MYT1L: variants seen among roughly 807,000 people sequenced by gnomAD.
The protein encoded by MYT1L is myelin transcription factor 1-like protein.
In MYT1L, 12 loss-of-function variants were observed where a neutral mutation model predicts 126.7. The ratio of observed to expected loss-of-function variants is 0.09; its 90% CI spans 0.06 to 0.15. The LOEUF is 0.15. Among genes scored for constraint, MYT1L ranks in the 10% least tolerant of loss-of-function variants. MYT1L has a pLI of 1.00. For missense variants in MYT1L, 979 were observed against 1,585.2 expected (o/e 0.62, Z 6.49); for synonymous variants, 541 against 604.2 (o/e 0.90, Z 1.53).
At chr2:2,295,605 C>CAGACAGAGAGAGAGAGAGAG (rs2095666352) in intron 1 of MYT1L, among the ~76,000 whole-genome samples, 1 of 9,674 alleles carries the variant, frequency 1.0e-4, no homozygotes, top group African/African-American at 6.1e-4. Context: ...GAGAGAGAGA[C>CAGACAGAGAGAGAGAGAGAG]AGACAGAGAG....
chr2:2,086,416 G>A lies in MYT1L; in HGVS notation c.-303-32293C>T, dbSNP rs78396828. Among the ~76,000 whole-genome samples the A allele has an allele frequency of 4.9e-3, 745 of 152,244 alleles. 5 individuals are homozygous for A. The highest frequency in any genetic ancestry group is 0.017 in the African/African-American group (716 of 41,516). ...TACTTGTACATAGTAGTTATGGAAG[G>A]CGGTGGTGAAACACTAAAGCCAACA... On this transcript the variant is annotated intron_variant, in intron 3 of 24. Transcript: ENST00000647738.
At chr2:2,012,872 T>C (rs964563375) in intron 4 of MYT1L, among the ~76,000 whole-genome samples, 4 of 152,302 alleles carry the variant, frequency 2.6e-5, no homozygotes, top group East Asian at 3.9e-4. Flanking sequence ...CCCCAGGTGA[T>C]AGAGCACCGA....
At chr2:1,859,469 G>T (rs13006542) in intron 18 of MYT1L, among the ~76,000 whole-genome samples, 2,652 of 152,320 alleles carry the variant, frequency 0.017, 44 homozygotes, top group Non-Finnish European at 0.029. Context: ...ACGTGCAAGG[G>T]TCATCATGCA....
chr2:1,959,643 C>T (rs2058796283), intron 8 of MYT1L, among the ~76,000 whole-genome samples: 1 of 152,212 alleles, frequency 6.6e-6, no homozygotes, highest in Admixed American at 6.5e-5. Context: ...CCCTGGCTAC[C>T]TGCAGAGAAT....
At chr2:2,065,979 T>C (rs2071224508) in intron 3 of MYT1L, among the ~76,000 whole-genome samples, 1 of 151,760 alleles carries the variant, frequency 6.6e-6, no homozygotes, top group African/African-American at 2.4e-5. Context: ...TTTATCCTTT[T>C]GCAAAAAAAA....
In MYT1L at chr2:2,205,054, T is replaced by C. The variant is rs566444467; in HGVS notation, c.-420-32066A>G. ...GCATGTTCTCACTCACAGGTGGGAA[T>C]TGAACAATGAGAACACATGGACACA... On this transcript the variant is annotated intron_variant, in intron 2 of 24. Transcript: ENST00000647738. 1.0e-4 allele frequency among the ~76,000 whole-genome samples: 14 copies of C among 139,962 alleles called. No individual in the cohort carries two copies. In the East Asian group the frequency reaches 2.6e-3, roughly 26 times the overall value. The allele number at this position is 139,962 out of a possible 152,430, so 91.8% of individuals were successfully genotyped here.
chr2:2,229,445 T>C (rs187989190), intron 2 of MYT1L, among the ~76,000 whole-genome samples: 59 of 144,326 alleles, frequency 4.1e-4, no homozygotes, highest in Admixed American at 3.3e-3. Flanking sequence ...TCTTTCTTTC[T>C]TTTTTTTTTG....
At chr2:1,975,658 G>A (rs1317351370) in intron 8 of MYT1L, among the ~76,000 whole-genome samples, 2 of 152,220 alleles carry the variant, frequency 1.3e-5, no homozygotes, top group Non-Finnish European at 2.9e-5. Context: ...GAGGCCAGGA[G>A]TTCGAGAGCA....
At chr2:1,870,532 G>A (rs1031699760) in intron 18 of MYT1L, among the ~76,000 whole-genome samples, 4 of 152,112 alleles carry the variant, frequency 2.6e-5, no homozygotes, top group African/African-American at 9.7e-5. Context: ...AGTGACCAGG[G>A]GTCTCTTTTC....
intron 2 of MYT1L, among the ~76,000 whole-genome samples, chr2:2,266,463 G>T (rs550990862): frequency 6.6e-6 from 1 of 152,276 alleles, no homozygotes; most frequent in Non-Finnish European, 1.5e-5. Context: ...AGCCACAAAG[G>T]CCCAAAGTAG....
Position 1,871,297 on chromosome 2 carries a change from G to A in MYT1L, c.2711+15242C>T, listed in dbSNP as rs1013495948. 7.9e-5 allele frequency among the ~76,000 whole-genome samples: 12 copies of A among 152,372 alleles called. No homozygotes were observed. The East Asian group carries it at 2.1e-3, about 27-fold the overall frequency. ...AGATCACGTGTCTCCGTGCGCTGATGGAGGGGACTCTGTGGGAAGATTTGC... is the reference window on the plus strand; with the variant it reads ...AGATCACGTGTCTCCGTGCGCTGATAGAGGGGACTCTGTGGGAAGATTTGC... On this transcript the variant is annotated intron_variant, in intron 18 of 24. Transcript: ENST00000647738.
At chr2:2,040,256 T>C (rs1242036036) in intron 4 of MYT1L, among the ~76,000 whole-genome samples, 1 of 152,218 alleles carries the variant, frequency 6.6e-6, no homozygotes, top group African/African-American at 2.4e-5. Flanking sequence ...GGATTCTTGA[T>C]AAGTGACTGA....
intron 2 of MYT1L, among the ~76,000 whole-genome samples, chr2:2,237,286 C>A (rs986687125): frequency 2.6e-5 from 4 of 152,160 alleles, no homozygotes; most frequent in African/African-American, 7.2e-5. Flanking sequence ...TAACTGATAA[C>A]CAGCACTTTT....
intron 22 of MYT1L, 30 bp downstream of exon 22, chr2:1,809,046 G>A (rs2036171019): frequency 6.2e-7 from 1 of 1,605,908 alleles, no homozygotes; most frequent in Non-Finnish European, 8.5e-7. Flanking sequence ...TCCTGACCAT[G>A]GGTGCCACGA....
chr2:2,100,329 T>A (rs60048823), intron 3 of MYT1L, among the ~76,000 whole-genome samples: 2,952 of 152,268 alleles, frequency 0.019, 84 homozygotes, highest in African/African-American at 0.064. Flanking sequence ...ATGGGAATCC[T>A]ATTGTCTTTT....
intron 2 of MYT1L, among the ~76,000 whole-genome samples, chr2:2,252,764 C>G (rs912570349): frequency 2.0e-5 from 3 of 152,150 alleles, no homozygotes; most frequent in Non-Finnish European, 2.9e-5. Context: ...TCACCTCCCC[C>G]ACGAAAAGCA....
chr2:1,855,685 T>G (rs1449735771), intron 18 of MYT1L, among the ~76,000 whole-genome samples: 1 of 152,208 alleles, frequency 6.6e-6, no homozygotes, highest in Non-Finnish European at 1.5e-5. Flanking sequence ...ATGTATATAT[T>G]TTCTTTTCTA....
At chr2:2,025,370 TCTACAGGGTC>T (rs2065434543) in intron 4 of MYT1L, among the ~76,000 whole-genome samples, 1 of 152,224 alleles carries the variant, frequency 6.6e-6, no homozygotes, top group Non-Finnish European at 1.5e-5. Context: ...CGTTTATCAG[TCTACAGGGTC>T]CTTGAATGTG....
rs1179607718 is a variant in MYT1L, at chr2:1,889,246, T to C, written c.2515A>G (p.Ile839Val). 11 of 1,613,494 alleles carry C rather than the reference T, an allele frequency of 6.8e-6. No homozygotes were observed. Among genetic ancestry groups the C allele is most frequent in the East Asian group, 2.2e-5 (1 of 44,872 alleles). ...RRIDEDESKD[I>V]TPEDLDPFQE... ...GCTCAATGAAAAGGACATACAGTAA[T>C]GTCTTTGGACTCGTCCTCGTCTATC... The change falls in exon 16 of 25, where the codon ATT becomes GTT. Residue 839 changes from isoleucine to valine, a missense_variant. This residue lies in a region of MYT1L where 141 missense variants were observed against 170.6 expected (regional missense o/e 0.83). Coordinates refer to ENST00000647738, the MANE Select transcript of MYT1L (RefSeq NM_001303052.2). This position sits in a 1 kb window ranked among gnomAD's most constrained non-coding sequence, Gnocchi z 4.1.
Sources: allele counts gnomAD v4.1 joint callset (sites outside exome capture counted in the v4.1 genomes callset), GRCh38; gene constraint gnomAD v4.1.1; regional missense constraint gnomAD v4.1.1; non-coding constraint Gnocchi (gnomAD v3.1); transcripts MANE v1.5; gene names NCBI Gene and HGNC (gene_info 2026-07-23, HGNC 2026-07-21).